Variants in CABP1 observed in about 807,000 individuals in gnomAD.
CABP1 encodes calcium-binding protein 1.
Under a neutral mutation model 34.3 loss-of-function variants are expected in CABP1, and 17 were observed. The observed-to-expected ratio is 0.50, with a 90% CI of 0.34 to 0.74. The LOEUF (loss-of-function observed/expected upper bound fraction) is 0.74. Ranked by LOEUF, CABP1 falls within the 30% of genes least tolerant of loss-of-function variation. CABP1 has a pLI of 0.01. For synonymous variants in CABP1, 198 were observed against 229.2 expected (o/e 0.86, Z 1.23); for missense variants, 373 against 511.1 (o/e 0.73, Z 2.61).
At chr12:120,656,409 C>A in intron 1 of CABP1, 1 of 701,134 alleles carries the variant, frequency 1.4e-6, no homozygotes, top group Non-Finnish European at 2.2e-6. Context: ...CCACTCATGG[C>A]TACAAAGTGC....
At chr12:120,663,336 G>A (rs954468760) in intron 5 of CABP1, among the ~76,000 whole-genome samples, 4 of 151,948 alleles carry the variant, frequency 2.6e-5, no homozygotes, top group East Asian at 3.9e-4. Flanking sequence ...GTGCAGTGGC[G>A]TAATCTCGGC....
downstream of CABP1, among the ~76,000 whole-genome samples, chr12:120,667,751 G>A (rs1161609099): frequency 6.6e-6 from 1 of 152,150 alleles, no homozygotes; most frequent in African/African-American, 2.4e-5. Context: ...GCCTCCCAAA[G>A]GGCTGGGATT....
intron 1 of CABP1, among the ~76,000 whole-genome samples, chr12:120,647,044 TC>T (rs1362226096): frequency 6.6e-6 from 1 of 152,200 alleles, no homozygotes; most frequent in African/African-American, 2.4e-5. Context: ...GGCTCCTGTC[TC>T]CTGTTTCCAA....
At chr12:120,652,278 TAGG>T (rs1262102074) in intron 1 of CABP1, among the ~76,000 whole-genome samples, 1 of 152,096 alleles carries the variant, frequency 6.6e-6, no homozygotes. Context: ...AAACAGGAAA[TAGG>T]AGAGATTTTC....
At chr12:120,655,991 A>T (rs1880174694) in intron 1 of CABP1, 1 of 1,572,844 alleles carries the variant, frequency 6.4e-7, no homozygotes, top group Non-Finnish European at 8.6e-7. Flanking sequence ...CTTGACTCTC[A>T]GGGTCCCCTC....
At chr12:120,647,761 T>C (rs1482251071) in intron 1 of CABP1, among the ~76,000 whole-genome samples, 1 of 120,626 alleles carries the variant, frequency 8.3e-6, no homozygotes, top group Non-Finnish European at 1.8e-5. Flanking sequence ...TTTTTTTTTT[T>C]AGTAGAGACA....
At chr12:120,677,413 T>TTTTC in the CABP1 span, among the ~76,000 whole-genome samples, 7 of 110,596 alleles carry the variant, frequency 6.3e-5, no homozygotes, top group African/African-American at 1.1e-4. Context: ...TTTTTTTTTT[T>TTTTC]TGAGACAGAG....
At chr12:120,654,637 C>CCAGGCCGAAGGCAGAGTG (rs11273771) in intron 1 of CABP1, among the ~76,000 whole-genome samples, 5,108 of 146,586 alleles carry the variant, frequency 0.035, 128 homozygotes, top group South Asian at 0.093. Flanking sequence ...TATGTAAGCT[C>CCAGGCCGAAGGCAGAGTG]CAGGCCGAAG....
intron 1 of CABP1, among the ~76,000 whole-genome samples, chr12:120,647,379 G>C (rs887976410): frequency 6.2e-5 from 6 of 97,228 alleles, no homozygotes; most frequent in African/African-American, 1.5e-4. Context: ...CTGAGCAGCA[G>C]ACAAGATTTT....
the CABP1 span, among the ~76,000 whole-genome samples, chr12:120,675,991 G>T: frequency 6.6e-6 from 1 of 152,090 alleles, no homozygotes; most frequent in African/African-American, 2.4e-5. Flanking sequence ...CAGGGGAATC[G>T]CTTGAACCTG....
intron 5 of CABP1, 71 bp from the exon 6 acceptor site, chr12:120,666,804 G>T: frequency 6.6e-7 from 1 of 1,525,780 alleles, no homozygotes; most frequent in Non-Finnish European, 8.9e-7. Flanking sequence ...AACAGGGTGG[G>T]GTCTGAAGGC....
the CABP1 span, among the ~76,000 whole-genome samples, chr12:120,673,395 T>C: frequency 6.6e-6 from 1 of 151,922 alleles, no homozygotes; most frequent in African/African-American, 2.4e-5. Flanking sequence ...CCATCCTGGC[T>C]AACATGGTGA....
At chr12:120,672,755 C>T in the CABP1 span, among the ~76,000 whole-genome samples, 3 of 148,430 alleles carry the variant, frequency 2.0e-5, no homozygotes, top group African/African-American at 7.4e-5. Flanking sequence ...GGAGGCTGGG[C>T]GCAGTGGCTC....
chr12:120,668,703 T>C (rs980792134), downstream of CABP1, among the ~76,000 whole-genome samples: 1 of 152,224 alleles, frequency 6.6e-6, no homozygotes, highest in Non-Finnish European at 1.5e-5. Context: ...AGTGGAATCA[T>C]GCAATTGAAA....
intron 5 of CABP1, among the ~76,000 whole-genome samples, chr12:120,666,558 T>C (rs182452484): frequency 1.8e-4 from 27 of 151,404 alleles, no homozygotes; most frequent in African/African-American, 6.5e-4. Flanking sequence ...ATCTGTGTAG[T>C]TGGAGCACAG....
intron 1 of CABP1, among the ~76,000 whole-genome samples, chr12:120,646,000 A>G (rs1200051907): frequency 1.3e-5 from 2 of 152,218 alleles, no homozygotes; most frequent in African/African-American, 4.8e-5. Flanking sequence ...GCAGTGAACT[A>G]TGATTGCACC....
intron 5 of CABP1, 75 bp from the exon 6 acceptor site, chr12:120,666,800 G>A: frequency 4.0e-6 from 6 of 1,506,428 alleles, no homozygotes; most frequent in Non-Finnish European, 5.4e-6. Flanking sequence ...TGGCAACAGG[G>A]TGGGGTCTGA....
intron 5 of CABP1, among the ~76,000 whole-genome samples, chr12:120,664,097 G>A (rs1227004260): frequency 6.6e-6 from 1 of 152,188 alleles, no homozygotes; most frequent in African/African-American, 2.4e-5. Flanking sequence ...CTGTATCCAG[G>A]TAGCGCCCAC....
At chr12:120,659,985 A>G in intron 2 of CABP1, 77 bp downstream of exon 2, 1 of 1,484,518 alleles carries the variant, frequency 6.7e-7, no homozygotes, top group Non-Finnish European at 9.3e-7. Context: ...ATGGGAAGAG[A>G]GGCCCCTGGA....
Sources: gnomAD v4.1 joint callset for allele counts (sites outside exome capture counted in the v4.1 genomes callset) on GRCh38, gnomAD v4.1.1 for gene constraint, MANE v1.5 for transcripts, NCBI Gene and HGNC (gene_info 2026-07-23, HGNC 2026-07-21) for gene names.